Variants in CCNYL1 observed in about 807,000 individuals in gnomAD.
CCNYL1 encodes cyclin Y like 1.
A neutral mutation model predicts 44.2 loss-of-function variants in CCNYL1; 16 were observed. That is an observed-to-expected ratio of 0.36 (90% CI 0.25 to 0.55). The LOEUF is 0.55. Among genes scored for constraint, CCNYL1 ranks in the 20% least tolerant of loss-of-function variants. The pLI is 0.85. For missense variants in CCNYL1, 348 were observed against 451.8 expected, an observed-to-expected ratio of 0.77 and a Z score of 2.08; for synonymous variants, 159 against 163.2, an observed-to-expected ratio of 0.97 and a Z score of 0.20.
chr2:207,746,325 G>A (rs752664950), intron 7 of CCNYL1, among the ~76,000 whole-genome samples: 1 of 152,196 alleles, frequency 6.6e-6, no homozygotes, highest in African/African-American at 2.4e-5. Context: ...AATGTGCTCA[G>A]TATTACTTGG....
At chr2:207,743,910 A>G (rs1008999663) in intron 7 of CCNYL1, among the ~76,000 whole-genome samples, 1 of 152,076 alleles carries the variant, frequency 6.6e-6, no homozygotes, top group African/African-American at 2.4e-5. Context: ...ACCTCAGGTG[A>G]TCCTGCCAGA....
intron 1 of CCNYL1, among the ~76,000 whole-genome samples, chr2:207,715,618 G>T (rs1268952988): frequency 6.6e-6 from 1 of 151,186 alleles, no homozygotes; most frequent in Non-Finnish European, 1.5e-5. Context: ...GACCTCAAGC[G>T]ATCCAGCTGC....
At chr2:207,745,525 A>T (rs1423631049) in intron 7 of CCNYL1, among the ~76,000 whole-genome samples, 1 of 152,254 alleles carries the variant, frequency 6.6e-6, no homozygotes, top group Non-Finnish European at 1.5e-5. Context: ...GGGAAAGGGA[A>T]CAGAATCTCT....
intron 3 of CCNYL1, among the ~76,000 whole-genome samples, chr2:207,730,669 A>C (rs1575214653): frequency 6.6e-6 from 1 of 152,170 alleles, no homozygotes; most frequent in African/African-American, 2.4e-5. Context: ...GAGGCAGGAG[A>C]ATTGCTTGAA....
chr2:207,724,794 C>G lies in CCNYL1; in HGVS notation c.221-6C>G, dbSNP rs2091667822. On this transcript the variant is annotated splice_region_variant and splice_polypyrimidine_tract_variant and intron_variant, in intron 1 of 9. Transcript: ENST00000295414. ...AGTGTCACGTCTTTTTCCTCCTCTT[C>G]TATAGATTTAGCTTTGGAGTCAAAC... 6.2e-7 allele frequency: 1 copy of G among 1,610,002 alleles called. No homozygotes were observed. Among genetic ancestry groups the G allele is most frequent in the African/African-American group, 1.3e-5 (1 of 74,822 alleles).
At chr2:207,730,387 C>T (rs150038083) in intron 3 of CCNYL1, among the ~76,000 whole-genome samples, 2 of 152,308 alleles carry the variant, frequency 1.3e-5, no homozygotes, top group African/African-American at 2.4e-5. Context: ...TCCAGTCACT[C>T]TCTGTAGGCA....
intron 6 of CCNYL1, among the ~76,000 whole-genome samples, chr2:207,741,297 T>C (rs1286434408): frequency 6.6e-6 from 1 of 152,004 alleles, no homozygotes; most frequent in Non-Finnish European, 1.5e-5. Context: ...AATCCTAACA[T>C]ATGATTAGTA....
chr2:207,712,462 A>G (rs745919682), intron 1 of CCNYL1, among the ~76,000 whole-genome samples: 15 of 151,980 alleles, frequency 9.9e-5, no homozygotes, highest in Non-Finnish European at 1.8e-4. Context: ...CCTTTTCTCA[A>G]TGGAAACTCA....
chr2:207,740,488 A>G (rs2091800173), intron 5 of CCNYL1, among the ~76,000 whole-genome samples, 167 bp from the exon 6 acceptor site: 1 of 152,186 alleles, frequency 6.6e-6, no homozygotes, highest in African/African-American at 2.4e-5. Flanking sequence ...AGGTCAGGAA[A>G]TCCTCTGAAG....
At position 207,711,837 on chromosome 2, in the gene CCNYL1, T is replaced by G; in HGVS notation, c.-60T>G. The G allele has an allele frequency of 8.3e-7, 1 of 1,200,796 alleles. No individual in the cohort carries two copies. Among genetic ancestry groups the G allele is most frequent in the Non-Finnish European group, 1.1e-6 (1 of 919,846 alleles). The allele number at this position is 1,200,796 out of a possible 1,614,324, so 74.4% of individuals were successfully genotyped here. ...CCATTGTTGGGGGAGGGGGCGGCTG[T>G]TGAGGGCGGCGGAGTAGGGGGCGAG... is the stretch of plus-strand genomic sequence containing the variant. On this transcript the variant is annotated 5_prime_UTR_variant, in exon 1 of 10. Transcript: ENST00000295414.
At chr2:207,733,578 C>T (rs1479529918) in intron 3 of CCNYL1, among the ~76,000 whole-genome samples, 2 of 152,208 alleles carry the variant, frequency 1.3e-5, no homozygotes, top group African/African-American at 2.4e-5. Flanking sequence ...TGATTTAAGG[C>T]ATTACATTTT....
intron 8 of CCNYL1, among the ~76,000 whole-genome samples, chr2:207,750,510 C>G (rs1438224653): frequency 3.3e-5 from 5 of 152,128 alleles, no homozygotes; most frequent in Non-Finnish European, 7.3e-5. Context: ...GGTGATATGC[C>G]TACTCCTTTT....
chr2:207,745,139 C>T (rs2091845056), intron 7 of CCNYL1, among the ~76,000 whole-genome samples: 1 of 152,038 alleles, frequency 6.6e-6, no homozygotes, highest in Admixed American at 6.6e-5. Context: ...GAGAAGCTGA[C>T]ACCAGGACAT....
chr2:207,719,705 G>A (rs1407159273), intron 1 of CCNYL1, among the ~76,000 whole-genome samples: 2 of 152,088 alleles, frequency 1.3e-5, no homozygotes, highest in African/African-American at 4.8e-5. Flanking sequence ...TTTGAGAGGT[G>A]TAAATTGAGT....
chr2:207,721,666 A>T (rs530659453), intron 1 of CCNYL1, among the ~76,000 whole-genome samples: 1 of 152,192 alleles, frequency 6.6e-6, no homozygotes, highest in South Asian at 2.1e-4. Flanking sequence ...ATACAATTTT[A>T]TACATAACCC....
chr2:207,752,666 A>G (rs1477476668), intron 9 of CCNYL1, among the ~76,000 whole-genome samples: 1 of 152,220 alleles, frequency 6.6e-6, no homozygotes, highest in African/African-American at 2.4e-5. Context: ...AAATGGACAC[A>G]TATTTTAAAC....
At chr2:207,718,008 G>C (rs529384464) in intron 1 of CCNYL1, among the ~76,000 whole-genome samples, 3 of 150,674 alleles carry the variant, frequency 2.0e-5, no homozygotes, top group Non-Finnish European at 4.4e-5. Context: ...GGGTTCAAGC[G>C]ATTCTCCTGC....
chr2:207,745,272 C>T (rs745454246), intron 7 of CCNYL1, among the ~76,000 whole-genome samples: 7 of 152,138 alleles, frequency 4.6e-5, no homozygotes, highest in Non-Finnish European at 7.4e-5. Context: ...GACGCAGTTG[C>T]GGGGACAGTG....
In CCNYL1 at chr2:207,711,990, A is replaced by G; in HGVS notation, c.94A>G (p.Ile32Val). Reference sequence around the variant, plus strand: ...GGCGGAGCTGTACTGCGCGTCCGACATCTACGAGGCGGTGTCCGGGGACGC... The same window carrying G: ...GGCGGAGCTGTACTGCGCGTCCGACGTCTACGAGGCGGTGTCCGGGGACGC... ...GSAELYCASDIYEAVSGDAVA... is the reference protein window; with the variant it reads ...GSAELYCASDVYEAVSGDAVA... Residue 32 changes from isoleucine to valine, a missense_variant, in exon 1 of 10, where the codon ATC becomes GTC. Around this residue, in one of 3 missense-constraint regions of CCNYL1, gnomAD observed 209 missense variants for 247.7 expected, o/e 0.84. Transcript: ENST00000295414. 3 of 1,459,648 alleles carry G rather than the reference A, an allele frequency of 2.1e-6. No homozygotes were observed. The highest frequency in any genetic ancestry group is 9.1e-7 in the Non-Finnish European group (1 of 1,104,372). The allele number at this position is 1,459,648 out of a possible 1,614,324, so 90.4% of individuals were successfully genotyped here.
Sources: gnomAD v4.1 joint callset for allele counts (sites outside exome capture counted in the v4.1 genomes callset) on GRCh38, gnomAD v4.1.1 for gene constraint, gnomAD v4.1.1 regional missense constraint, MANE v1.5 for transcripts, NCBI Gene and HGNC (gene_info 2026-07-23, HGNC 2026-07-21) for gene names.